Variants in LVRN observed in about 807,000 individuals in gnomAD.
The protein encoded by LVRN is laeverin.
A neutral mutation model predicts 111.4 loss-of-function variants in LVRN; 99 were observed. The ratio of observed to expected loss-of-function variants is 0.89; its 90% confidence interval spans 0.76 to 1.05. The LOEUF (loss-of-function observed/expected upper bound fraction) is 1.05, where lower values mean the gene tolerates loss of function less well. Among genes scored for constraint, LVRN ranks in the 50% least tolerant of loss-of-function variants. LVRN has a pLI of 0.00. For missense variants in LVRN, 1,414 were observed against 1,206.8 expected, an observed-to-expected ratio of 1.17 and a Z score of -2.54; for synonymous variants, 488 against 449.5, an observed-to-expected ratio of 1.09 and a Z score of -1.08.
intron 14 of LVRN, 128 bp downstream of exon 14, chr5:116,011,022 T>A: frequency 1.3e-5 from 4 of 302,414 alleles, no homozygotes; most frequent in Non-Finnish European, 1.6e-5. Flanking sequence ...TATATATATA[T>A]ATATGGAAGT....
chr5:115,995,883 GC>G (rs1188687435), intron 6 of LVRN, among the ~76,000 whole-genome samples: 1 of 152,168 alleles, frequency 6.6e-6, no homozygotes, highest in East Asian at 1.9e-4. Flanking sequence ...CGAAGCCCAT[GC>G]TTTTAACCAC....
chr5:115,983,554 G>A, intron 2 of LVRN, 125 bp downstream of exon 2: 20 of 1,084,118 alleles, frequency 1.8e-5, no homozygotes, highest in Non-Finnish European at 2.5e-5. Context: ...CTATAATTAG[G>A]TAGAGCAGTC....
At chr5:115,997,697 T>G (rs1748146408) in intron 6 of LVRN, among the ~76,000 whole-genome samples, 1 of 152,180 alleles carries the variant, frequency 6.6e-6, no homozygotes, top group Non-Finnish European at 1.5e-5. Context: ...AGGCCTTCTC[T>G]GACATATTGC....
intron 15 of LVRN, among the ~76,000 whole-genome samples, chr5:116,013,628 C>T (rs1348516644): frequency 1.3e-5 from 2 of 152,040 alleles, no homozygotes; most frequent in Non-Finnish European, 2.9e-5. Flanking sequence ...CTTGCACATT[C>T]CTCTTCAGCT....
At chr5:116,004,558 T>C (rs1748315555) in intron 12 of LVRN, among the ~76,000 whole-genome samples, 1 of 152,178 alleles carries the variant, frequency 6.6e-6, no homozygotes, top group Non-Finnish European at 1.5e-5. Flanking sequence ...CCTGTTTTGT[T>C]CATTGTTTGC....
chr5:116,009,034 G>A (rs1296056092), intron 13 of LVRN, among the ~76,000 whole-genome samples: 1 of 152,228 alleles, frequency 6.6e-6, no homozygotes, highest in Admixed American at 6.5e-5. Context: ...TGGCTTCAAA[G>A]TTTCAAAGGA....
chr5:115,994,267 G>T lies in LVRN; in HGVS notation c.1374+413G>T, dbSNP rs769827568. The stretch of plus-strand genomic sequence containing the variant: ...ATATAGACTATATATATATAGTCTA[G>T]GTCTTGCTCTGTCACCTAGGCTGGA... On this transcript the variant is annotated intron_variant, in intron 6 of 19. Coordinates refer to ENST00000357872, the MANE Select transcript of LVRN (RefSeq NM_173800.5). Among the ~76,000 whole-genome samples the T allele has an allele frequency of 8.4e-4, 127 of 151,816 alleles. 1 individual carries two copies. The highest frequency in any genetic ancestry group is 2.6e-4 in the Admixed American group (4 of 15,244).
chr5:115,973,702 A>G (rs1344576259), intron 1 of LVRN, among the ~76,000 whole-genome samples: 4 of 152,176 alleles, frequency 2.6e-5, no homozygotes, highest in African/African-American at 7.2e-5. Context: ...AAATTGTTCA[A>G]AATATTTCGT....
At chr5:115,970,757 A>G (rs987231976) in intron 1 of LVRN, among the ~76,000 whole-genome samples, 1 of 152,202 alleles carries the variant, frequency 6.6e-6, no homozygotes, top group African/African-American at 2.4e-5. Context: ...ATATAACACA[A>G]TTTGTTTATC....
intron 1 of LVRN, among the ~76,000 whole-genome samples, chr5:115,982,262 C>G (rs1181157373): frequency 6.6e-6 from 1 of 152,166 alleles, no homozygotes; most frequent in African/African-American, 2.4e-5. Context: ...AATTCTTATG[C>G]AAGCAGCAGC....
chr5:115,983,479 G>T (rs1428015151), intron 2 of LVRN, 50 bp downstream of exon 2: 1 of 1,526,230 alleles, frequency 6.6e-7, no homozygotes, highest in Admixed American at 2.3e-5. Context: ...TATAAGCTTT[G>T]TAATCACATT....
intron 1 of LVRN, among the ~76,000 whole-genome samples, chr5:115,968,296 A>G (rs1191981447): frequency 2.0e-5 from 3 of 152,124 alleles, no homozygotes; most frequent in African/African-American, 7.2e-5. Flanking sequence ...TTTCTTTTGC[A>G]TGAATGCATG....
At chr5:115,972,896 A>G (rs1265640619) in intron 1 of LVRN, among the ~76,000 whole-genome samples, 2 of 151,518 alleles carry the variant, frequency 1.3e-5, no homozygotes, top group African/African-American at 4.8e-5. Context: ...AATATGGTAA[A>G]TTACATTGAT....
chr5:115,981,728 A>C (rs1229639988), intron 1 of LVRN, among the ~76,000 whole-genome samples: 1 of 152,058 alleles, frequency 6.6e-6, no homozygotes, highest in Non-Finnish European at 1.5e-5. Context: ...CACCTCCCCC[A>C]ACCCTGGGAC....
At chr5:116,014,387 A>C (rs1258587183) in intron 15 of LVRN, 33 bp from the exon 16 acceptor site, 2 of 1,528,998 alleles carry the variant, frequency 1.3e-6, no homozygotes, top group Non-Finnish European at 1.8e-6. Flanking sequence ...GGTAATGCAA[A>C]ATAAACTGTT....
At chr5:115,974,453 A>G (rs1753393399) in intron 1 of LVRN, 1 of 152,340 alleles carries the variant, frequency 6.6e-6, no homozygotes, top group Non-Finnish European at 1.5e-5. Context: ...ATTTGAAACT[A>G]TATATGTTAT....
At chr5:115,963,334 G>A in intron 1 of LVRN, 22 bp downstream of exon 1, 3 of 1,532,502 alleles carry the variant, frequency 2.0e-6, no homozygotes, top group Non-Finnish European at 2.6e-6. Flanking sequence ...ACAGCCCGGG[G>A]CCCCTCTCGG....
intron 2 of LVRN, among the ~76,000 whole-genome samples, chr5:115,983,676 C>G (rs1356914054): frequency 6.6e-6 from 1 of 152,176 alleles, no homozygotes; most frequent in Non-Finnish European, 1.5e-5. Flanking sequence ...CTGCCTGCCA[C>G]TTAGTTTGGG....
intron 12 of LVRN, among the ~76,000 whole-genome samples, chr5:116,005,125 A>G (rs913107762): frequency 3.9e-5 from 6 of 152,244 alleles, no homozygotes; most frequent in Admixed American, 3.3e-4. Flanking sequence ...AATCTTTATG[A>G]TTAATATTAA....
Sources: allele counts gnomAD v4.1 joint callset (sites outside exome capture counted in the v4.1 genomes callset), GRCh38; gene constraint gnomAD v4.1.1; transcripts MANE v1.5; gene names NCBI Gene and HGNC (gene_info 2026-07-23, HGNC 2026-07-21).